TEKT5: variants seen among roughly 807,000 people sequenced by gnomAD.
TEKT5 encodes the protein tektin-5.
TEKT5 carries 52 observed loss-of-function variants against 48.7 expected under a neutral mutation model. That is an observed-to-expected ratio of 1.07 (90% CI 0.86 to 1.35). The LOEUF (loss-of-function observed/expected upper bound fraction) is 1.35, where lower values mean the gene tolerates loss of function less well. Ranked by LOEUF, TEKT5 falls within the 40% of genes most tolerant of loss-of-function variation. The probability of loss-of-function intolerance (pLI) is 0.00; values close to 1 mark genes in which losing one functional copy is unlikely to be tolerated. For synonymous variants in TEKT5, 318 were observed against 267.6 expected, an observed-to-expected ratio of 1.19 and a Z score of -1.84; for missense variants, 831 against 641.6, an observed-to-expected ratio of 1.30 and a Z score of -3.19.
intron 3 of TEKT5, among the ~76,000 whole-genome samples, chr16:10,685,935 C>A (rs1898855579): frequency 6.6e-6 from 1 of 152,162 alleles, no homozygotes. Context: ...GGTCCAGCTC[C>A]CCACTTCAAG....
chr16:10,647,818 T>C (rs1898094647), intron 5 of TEKT5, among the ~76,000 whole-genome samples: 1 of 152,276 alleles, frequency 6.6e-6, no homozygotes, highest in Admixed American at 6.5e-5. Flanking sequence ...TTGATTCATA[T>C]GTCAGTGCAA....
chr16:10,636,909 C>T (rs1897922058), intron 5 of TEKT5, among the ~76,000 whole-genome samples: 6 of 151,314 alleles, frequency 4.0e-5, no homozygotes, highest in Admixed American at 4.0e-4. Context: ...CTCCGCCCCC[C>T]AAGTTCAAGT....
intron 3 of TEKT5, among the ~76,000 whole-genome samples, chr16:10,683,552 C>T (rs1898797751): frequency 6.6e-6 from 1 of 152,164 alleles, no homozygotes; most frequent in Non-Finnish European, 1.5e-5. Flanking sequence ...CCAAACTCGA[C>T]TATTTACTTA....
intron 5 of TEKT5, among the ~76,000 whole-genome samples, chr16:10,637,208 G>A (rs1897927537): frequency 6.6e-6 from 1 of 151,574 alleles, no homozygotes; most frequent in Non-Finnish European, 1.5e-5. Context: ...ATTGATTTTT[G>A]TATTTTTAGT....
chr16:10,684,978 A>G (rs1447291471), intron 3 of TEKT5, among the ~76,000 whole-genome samples: 1 of 152,182 alleles, frequency 6.6e-6, no homozygotes, highest in African/African-American at 2.4e-5. Context: ...AGCTTCCCCA[A>G]GGGGGTGAGG....
chr16:10,634,365 G>C (rs1281549643), intron 6 of TEKT5, among the ~76,000 whole-genome samples: 2 of 152,086 alleles, frequency 1.3e-5, no homozygotes, highest in Non-Finnish European at 2.9e-5. Flanking sequence ...TTTTCTCTTG[G>C]GGGATATCAA....
At chr16:10,669,869 C>T (rs1898523913) in intron 5 of TEKT5, among the ~76,000 whole-genome samples, 1 of 152,176 alleles carries the variant, frequency 6.6e-6, no homozygotes, top group Admixed American at 6.5e-5. Flanking sequence ...ACTCTGTGGC[C>T]ACCAACTTCT....
intron 5 of TEKT5, among the ~76,000 whole-genome samples, chr16:10,639,516 T>C (rs1897961529): frequency 6.6e-6 from 1 of 152,134 alleles, no homozygotes; most frequent in Non-Finnish European, 1.5e-5. Flanking sequence ...ATGGAGGTGA[T>C]AAAAGTGCCC....
At chr16:10,632,198 T>C (rs1449645930) in intron 6 of TEKT5, among the ~76,000 whole-genome samples, 1 of 152,238 alleles carries the variant, frequency 6.6e-6, no homozygotes, top group African/African-American at 2.4e-5. Flanking sequence ...TGTTGTCTGA[T>C]ATGGTGAACC....
chr16:10,694,874 C>T lies in TEKT5; in HGVS notation c.-1G>A. ...TCTGAGTAGTCCCAAGAAACTCCAT[C>T]CTCCCTCATGAGCCCCACTCGGGCA... On this transcript the variant is annotated 5_prime_UTR_variant, in exon 1 of 7. Transcript: ENST00000283025. The T allele has an allele frequency of 6.5e-7, 1 of 1,543,618 alleles. No homozygotes were observed. Among genetic ancestry groups the T allele is most frequent in the Non-Finnish European group, 8.7e-7 (1 of 1,149,306 alleles).
In TEKT5 at chr16:10,681,404, T is replaced by A. The variant is rs919887250; in HGVS notation, c.863+589A>T. On this transcript the variant is annotated intron_variant, in intron 4 of 6. Coordinates refer to ENST00000283025, the MANE Select transcript of TEKT5 (RefSeq NM_144674.2). ...CTCTCTCTCTCTCTCTCTCTCTCTC[T>A]CTCTCTGGCTGGTCTGGAAAACTCC... Among the ~76,000 whole-genome samples, 21 of 144,178 alleles carry A rather than the reference T, an allele frequency of 1.5e-4. No individual in the cohort carries two copies. The East Asian group carries it at 4.4e-3, about 30-fold the overall frequency. 94.6% of individuals were successfully genotyped at this position (144,178 alleles called of 152,430 possible).
chr16:10,681,798 C>G (rs1174900681), intron 4 of TEKT5, among the ~76,000 whole-genome samples, 195 bp downstream of exon 4: 1 of 152,040 alleles, frequency 6.6e-6, no homozygotes, highest in Non-Finnish European at 1.5e-5. Context: ...TCCCCCATAC[C>G]TCCTCCGGTA....
intron 3 of TEKT5, among the ~76,000 whole-genome samples, chr16:10,686,083 A>C (rs1286725890): frequency 6.6e-6 from 1 of 152,220 alleles, no homozygotes; most frequent in Non-Finnish European, 1.5e-5. Context: ...CATAAATAGA[A>C]GATCACAAAA....
In TEKT5 at chr16:10,657,473, A is replaced by G. The variant is rs118014935; in HGVS notation, c.1086+18486T>C. Reference sequence around the variant, plus strand: ...TGTATTTAGGATAGGAATCAAGAGGATAAGACAGTAGAGAAATAGGAGTGA... The same window carrying G: ...TGTATTTAGGATAGGAATCAAGAGGGTAAGACAGTAGAGAAATAGGAGTGA... On this transcript the variant is annotated intron_variant, in intron 5 of 6. Coordinates refer to ENST00000283025, the MANE Select transcript of TEKT5 (RefSeq NM_144674.2). Among the ~76,000 whole-genome samples the G allele has an allele frequency of 5.7e-3, 869 of 152,258 alleles. 2 individuals are homozygous for G. The highest frequency in any genetic ancestry group is 8.6e-3 in the Non-Finnish European group (587 of 68,022).
chr16:10,663,895 C>T lies in TEKT5; in HGVS notation c.1086+12064G>A, dbSNP rs147051769. 7.2e-5 allele frequency among the ~76,000 whole-genome samples: 11 copies of T among 152,358 alleles called. No individual in the cohort carries two copies. In the East Asian group the frequency reaches 2.1e-3, roughly 29 times the overall value. ...GCAGGTCCTGCTCGCAGCCGTTTCT[C>T]TCAAGTGGTAGCCCAGCTGCTTTCG... On this transcript the variant is annotated intron_variant, in intron 5 of 6. Transcript: ENST00000283025.
intron 5 of TEKT5, among the ~76,000 whole-genome samples, chr16:10,654,646 G>A (rs914105787): frequency 3.9e-5 from 6 of 152,040 alleles, no homozygotes; most frequent in Non-Finnish European, 8.8e-5. Context: ...CAGAGTTGCT[G>A]GTTCAGACTC....
At chr16:10,645,019 C>T (rs1898049738) in intron 5 of TEKT5, among the ~76,000 whole-genome samples, 1 of 152,180 alleles carries the variant, frequency 6.6e-6, no homozygotes, top group African/African-American at 2.4e-5. Flanking sequence ...CAAAGGCTGT[C>T]TACAACCCGG....
chr16:10,654,897 T>G (rs554012793), intron 5 of TEKT5, among the ~76,000 whole-genome samples: 5 of 148,734 alleles, frequency 3.4e-5, no homozygotes, highest in African/African-American at 1.2e-4. Context: ...TTCCAGTGTC[T>G]GCCACCATGC....
chr16:10,651,166 C>T (rs1898149824), intron 5 of TEKT5, among the ~76,000 whole-genome samples: 1 of 152,152 alleles, frequency 6.6e-6, no homozygotes, highest in Admixed American at 6.5e-5. Context: ...AAGATCAAAT[C>T]AGGGAGCTGC....
Sources: gnomAD v4.1 joint callset for allele counts (sites outside exome capture counted in the v4.1 genomes callset) on GRCh38, gnomAD v4.1.1 for gene constraint, MANE v1.5 for transcripts, NCBI Gene and HGNC (gene_info 2026-07-23, HGNC 2026-07-21) for gene names.